CSMD1: variants seen among roughly 807,000 people sequenced by gnomAD.
CSMD1 encodes the protein CUB and Sushi multiple domains 1, also known as CUB and sushi domain-containing protein 1.
Under a neutral mutation model 417.5 loss-of-function variants are expected in CSMD1, and 213 were observed. The observed-to-expected ratio is 0.51, with a 90% CI of 0.46 to 0.57. The LOEUF (loss-of-function observed/expected upper bound fraction) is 0.57, where lower values mean the gene tolerates loss of function less well. Ranked by LOEUF, CSMD1 falls within the 20% of genes least tolerant of loss-of-function variation. The pLI is 0.00. For missense variants in CSMD1, 6,923 were observed against 4,529.7 expected, an observed-to-expected ratio of 1.53 and a Z score of -15.17; for synonymous variants, 2,862 against 1,736.8, an observed-to-expected ratio of 1.65 and a Z score of -16.11.
At chr8:4,786,074 A>G (rs1377050662) in intron 1 of CSMD1, among the ~76,000 whole-genome samples, 1 of 152,096 alleles carries the variant, frequency 6.6e-6, no homozygotes, top group Non-Finnish European at 1.5e-5. Flanking sequence ...AAATACGAAT[A>G]AAATGGCTAC....
chr8:4,178,267 T>C (rs1226394767), intron 3 of CSMD1, among the ~76,000 whole-genome samples: 1 of 152,092 alleles, frequency 6.6e-6, no homozygotes, highest in South Asian at 2.1e-4. Context: ...GATGCAAGGC[T>C]GGTTCAATAT....
chr8:4,663,220 C>G (rs558469780), intron 1 of CSMD1, among the ~76,000 whole-genome samples: 5 of 152,262 alleles, frequency 3.3e-5, no homozygotes, highest in Admixed American at 6.5e-5. Flanking sequence ...ACACATTATC[C>G]CAGCCCGATT....
intron 2 of CSMD1, among the ~76,000 whole-genome samples, chr8:4,433,620 C>T (rs746373808): frequency 6.6e-6 from 1 of 152,142 alleles, no homozygotes; most frequent in Non-Finnish European, 1.5e-5. Context: ...TTTGATAAAG[C>T]CAGTTTTCTT....
At chr8:3,277,032 TA>T (rs1563215967) in intron 26 of CSMD1, among the ~76,000 whole-genome samples, 1 of 151,970 alleles carries the variant, frequency 6.6e-6, no homozygotes. Flanking sequence ...GAATGTGAGA[TA>T]GGCACACTGG....
At chr8:3,912,691 G>A (rs964586962) in intron 5 of CSMD1, among the ~76,000 whole-genome samples, 6 of 152,172 alleles carry the variant, frequency 3.9e-5, no homozygotes, top group African/African-American at 1.4e-4. Context: ...AGAAATACAT[G>A]CAGAATACGA....
At chr8:3,481,016 C>T (rs113026590) in intron 11 of CSMD1, among the ~76,000 whole-genome samples, 6,263 of 151,462 alleles carry the variant, frequency 0.041, 247 homozygotes, top group East Asian at 0.19. Flanking sequence ...ATTAGCCAGG[C>T]GTGGTGGCAG....
intron 12 of CSMD1, among the ~76,000 whole-genome samples, chr8:3,458,239 G>C (rs1214962203): frequency 6.6e-6 from 1 of 152,184 alleles, no homozygotes; most frequent in Non-Finnish European, 1.5e-5. Context: ...GAATTTAAAT[G>C]TCAAATTTCT....
chr8:4,420,373 T>C (rs1199246353), intron 2 of CSMD1, among the ~76,000 whole-genome samples: 1 of 152,060 alleles, frequency 6.6e-6, no homozygotes, highest in Non-Finnish European at 1.5e-5. Context: ...CCAACTTTTT[T>C]TTTTATTTGA....
intron 7 of CSMD1, among the ~76,000 whole-genome samples, chr8:3,683,188 A>G (rs927109552): frequency 6.6e-6 from 1 of 152,004 alleles, no homozygotes; most frequent in African/African-American, 2.4e-5. Flanking sequence ...CTAGAAGTAT[A>G]ATAAGAAATA....
At chr8:3,522,538 T>G (rs115153503) in intron 10 of CSMD1, among the ~76,000 whole-genome samples, 1 of 152,112 alleles carries the variant, frequency 6.6e-6, no homozygotes, top group African/African-American at 2.4e-5. Flanking sequence ...GCCCCCTGAG[T>G]TATAAGTACT....
intron 4 of CSMD1, among the ~76,000 whole-genome samples, chr8:4,026,361 C>T (rs1417000402): frequency 3.9e-5 from 6 of 152,134 alleles, no homozygotes; most frequent in African/African-American, 1.4e-4. Context: ...ACAAAGTTTC[C>T]TGTGATAAAA....
chr8:4,375,700 G>C (rs1802689904), intron 3 of CSMD1, among the ~76,000 whole-genome samples: 1 of 152,156 alleles, frequency 6.6e-6, no homozygotes, highest in Admixed American at 6.6e-5. Flanking sequence ...GTAATTAAAG[G>C]TCTGCATGAC....
intron 2 of CSMD1, among the ~76,000 whole-genome samples, chr8:4,461,976 C>A (rs188993752): frequency 6.6e-6 from 1 of 152,002 alleles, no homozygotes; most frequent in Non-Finnish European, 1.5e-5. Context: ...CTCCCGACCT[C>A]CTGATCCGCC....
intron 5 of CSMD1, among the ~76,000 whole-genome samples, chr8:3,926,074 A>AC (rs1809663487): frequency 3.9e-5 from 4 of 103,252 alleles, no homozygotes; most frequent in Admixed American, 1.1e-4. Flanking sequence ...ACACACACAC[A>AC]AACACCATAC....
chr8:4,451,237 G>C (rs927617806), intron 2 of CSMD1, among the ~76,000 whole-genome samples: 1 of 152,128 alleles, frequency 6.6e-6, no homozygotes, highest in Non-Finnish European at 1.5e-5. Flanking sequence ...AGGCTAAGGA[G>C]GGAAGATGGC....
chr8:3,061,561 G>T (rs1182076248), intron 49 of CSMD1, among the ~76,000 whole-genome samples: 1 of 152,088 alleles, frequency 6.6e-6, no homozygotes, highest in Non-Finnish European at 1.5e-5. Flanking sequence ...GTTGGCCAGG[G>T]GTTGACAGTG....
chr8:4,064,007 A>C (rs1019384977), intron 3 of CSMD1, among the ~76,000 whole-genome samples: 3 of 152,204 alleles, frequency 2.0e-5, no homozygotes, highest in African/African-American at 7.2e-5. Context: ...GAGTGTACCT[A>C]AAGAAGCCTC....
chr8:3,907,827 T>G (rs1038493404), intron 5 of CSMD1, among the ~76,000 whole-genome samples: 16 of 152,220 alleles, frequency 1.1e-4, no homozygotes, highest in African/African-American at 3.9e-4. Context: ...CTTCCGTAGT[T>G]CTTCTCATCA....
At chr8:3,740,010 A>T (rs2720832) in intron 6 of CSMD1, among the ~76,000 whole-genome samples, 1 of 152,206 alleles carries the variant, frequency 6.6e-6, no homozygotes, top group Non-Finnish European at 1.5e-5. Flanking sequence ...CTCTTCTGGG[A>T]GTCATTGAAA....
Sources: allele counts gnomAD v4.1 joint callset (sites outside exome capture counted in the v4.1 genomes callset), GRCh38; gene constraint gnomAD v4.1.1; transcripts MANE v1.5; gene names NCBI Gene and HGNC (gene_info 2026-07-23, HGNC 2026-07-21).